The following SPAG9 variants were observed in gnomAD, a reference collection of about 807,000 sequenced individuals.
SPAG9 encodes the protein sperm associated antigen 9.
SPAG9 carries 35 observed loss-of-function variants against 166.5 expected under a neutral mutation model. The observed-to-expected ratio is 0.21, with a 90% CI of 0.16 to 0.28. The LOEUF (loss-of-function observed/expected upper bound fraction) is 0.28, where lower values mean the gene tolerates loss of function less well. SPAG9 is among the 10% of genes least tolerant of loss of function. The pLI is 1.00. For synonymous variants in SPAG9, 534 were observed against 565.5 expected (o/e 0.94, Z 0.79); for missense variants, 1,235 against 1,603.3 (o/e 0.77, Z 3.92).
chr17:50,990,348 T>A, intron 20 of SPAG9, 102 bp downstream of exon 20: 1 of 925,024 alleles, frequency 1.1e-6, no homozygotes, highest in South Asian at 1.5e-5. Context: ...TCTTTCAAGT[T>A]CTTTCAACCT....
chr17:51,109,605 C>T (rs2049048966), intron 1 of SPAG9, among the ~76,000 whole-genome samples: 1 of 152,152 alleles, frequency 6.6e-6, no homozygotes, highest in Admixed American at 6.6e-5. Context: ...TTCATTAATT[C>T]ATTATAAACA....
At chr17:51,045,047 A>T (rs1190514332) in intron 4 of SPAG9, among the ~76,000 whole-genome samples, 1 of 152,236 alleles carries the variant, frequency 6.6e-6, no homozygotes, top group Non-Finnish European at 1.5e-5. Flanking sequence ...AAATAATAAA[A>T]TCACTTGATT....
At chr17:51,105,824 T>C (rs1475185319) in intron 1 of SPAG9, among the ~76,000 whole-genome samples, 3 of 151,058 alleles carry the variant, frequency 2.0e-5, no homozygotes, top group African/African-American at 4.9e-5. Context: ...GAGCCGAGAT[T>C]GCGCCACTGC....
At position 50,971,144 on chromosome 17, in the gene SPAG9, C is replaced by A. The variant is rs74508545; in HGVS notation, c.3701-288G>T. On this transcript the variant is annotated intron_variant, in intron 28 of 29. Coordinates refer to ENST00000262013, the MANE Select transcript of SPAG9 (RefSeq NM_001130528.3). ...CCTGGCAAATATAGTAAGGCCTCAT[C>A]TCTACCAAAAAAGTTAGCCGGGAAT... is the stretch of plus-strand genomic sequence containing the variant. 8.8e-3 allele frequency among the ~76,000 whole-genome samples: 1,337 copies of A among 152,110 alleles called. 16 individuals carry two copies. The highest frequency in any genetic ancestry group is 0.031 in the African/African-American group (1,296 of 41,496).
rs1223747138 is a variant in SPAG9, at chr17:50,968,026, T to C, written c.3851-1639A>G. ...ACAAACTCCTCAGTACGGTTCCAAC[T>C]GACATACTGCACTCCAACACAAAGT... is the stretch of plus-strand genomic sequence containing the variant. On this transcript the variant is annotated intron_variant, in intron 29 of 29. Coordinates refer to ENST00000262013, the MANE Select transcript of SPAG9 (RefSeq NM_001130528.3). Among the ~76,000 whole-genome samples the C allele has an allele frequency of 3.9e-5, 6 of 152,304 alleles. No individual in the cohort carries two copies. The East Asian group carries it at 1.2e-3, about 29-fold the overall frequency.
intron 1 of SPAG9, among the ~76,000 whole-genome samples, chr17:51,111,249 A>G (rs1021695947): frequency 4.6e-5 from 7 of 152,230 alleles, no homozygotes; most frequent in Non-Finnish European, 4.4e-5. Flanking sequence ...TATATATAAC[A>G]TTACATACAT....
chr17:51,080,135 A>G (rs2048119933), intron 1 of SPAG9, among the ~76,000 whole-genome samples: 1 of 152,194 alleles, frequency 6.6e-6, no homozygotes, highest in African/African-American at 2.4e-5. Flanking sequence ...TAAATTCCTA[A>G]GAAAAGGACA....
intron 15 of SPAG9, among the ~76,000 whole-genome samples, chr17:50,996,951 C>T (rs1304565062): frequency 6.6e-6 from 1 of 152,174 alleles, no homozygotes; most frequent in African/African-American, 2.4e-5. Flanking sequence ...AGCAGCCTGG[C>T]CAACATGGTA....
intron 2 of SPAG9, among the ~76,000 whole-genome samples, chr17:51,077,045 G>GCTAGCTAT (rs1286370251): frequency 2.0e-5 from 2 of 99,022 alleles, no homozygotes; most frequent in Non-Finnish European, 4.9e-5. Flanking sequence ...TAGCTATCTA[G>GCTAGCTAT]CTATCTAGCT....
chr17:51,009,235 G>C (rs1597980362), intron 9 of SPAG9: 1 of 415,438 alleles, frequency 2.4e-6, no homozygotes, highest in East Asian at 7.3e-5. Context: ...TAAAATGAGA[G>C]AGAGGAAACA....
chr17:51,089,663 T>TATACACACAC (rs1403230293), intron 1 of SPAG9, among the ~76,000 whole-genome samples: 73 of 78,240 alleles, frequency 9.3e-4, no homozygotes, highest in African/African-American at 3.1e-3. Flanking sequence ...TATATATATA[T>TATACACACAC]ACACATACAC....
chr17:51,097,561 A>G (rs949142763), intron 1 of SPAG9, among the ~76,000 whole-genome samples: 3 of 152,018 alleles, frequency 2.0e-5, no homozygotes, highest in African/African-American at 7.3e-5. Context: ...ACACACACAC[A>G]TATACATATA....
chr17:51,063,245 C>A (rs1484289717), intron 2 of SPAG9, among the ~76,000 whole-genome samples: 1 of 151,684 alleles, frequency 6.6e-6, no homozygotes, highest in Middle Eastern at 3.4e-3. Flanking sequence ...CCCATCTCTA[C>A]AAAAAATACA....
At chr17:51,057,853 T>C (rs1212318986) in intron 2 of SPAG9, among the ~76,000 whole-genome samples, 3 of 152,228 alleles carry the variant, frequency 2.0e-5, no homozygotes, top group African/African-American at 7.2e-5. Context: ...AAATTTATTA[T>C]GCAGATGTGT....
chr17:51,007,125 G>C, intron 10 of SPAG9, 144 bp downstream of exon 10: 1 of 509,204 alleles, frequency 2.0e-6, no homozygotes. Flanking sequence ...GTGTGTGTGT[G>C]TGTGTGTGTG....
At chr17:51,069,847 T>C (rs555726564) in intron 2 of SPAG9, among the ~76,000 whole-genome samples, 1 of 152,122 alleles carries the variant, frequency 6.6e-6, no homozygotes, top group East Asian at 1.9e-4. Flanking sequence ...GGTCAAAGTA[T>C]AAGGATCTAA....
chr17:50,996,408 G>A (rs1319221720), intron 16 of SPAG9, 157 bp downstream of exon 16: 5 of 760,582 alleles, frequency 6.6e-6, no homozygotes, highest in Non-Finnish European at 1.0e-5. Flanking sequence ...CTAGAAAACA[G>A]CCTGAAAACC....
intron 4 of SPAG9, among the ~76,000 whole-genome samples, chr17:51,046,081 T>C (rs547088055): frequency 2.0e-3 from 306 of 152,254 alleles, no homozygotes; most frequent in Non-Finnish European, 3.7e-3. Flanking sequence ...ATTCAAAGGA[T>C]AATTAAAACA....
chr17:51,056,957 G>T (rs1322711192), intron 2 of SPAG9, among the ~76,000 whole-genome samples: 1 of 151,982 alleles, frequency 6.6e-6, no homozygotes, highest in South Asian at 2.1e-4. Context: ...GATGGGTTTT[G>T]TGAGTGGCAC....
Sources: allele counts gnomAD v4.1 joint callset (sites outside exome capture counted in the v4.1 genomes callset), GRCh38; gene constraint gnomAD v4.1.1; transcripts MANE v1.5; gene names NCBI Gene and HGNC (gene_info 2026-07-23, HGNC 2026-07-21).